DDX4: variants seen among roughly 807,000 people sequenced by gnomAD.
DDX4 encodes DEAD-box helicase 4.
In DDX4, 25 loss-of-function variants were observed where a neutral mutation model predicts 100.0. The observed-to-expected ratio is 0.25, with a 90% CI of 0.18 to 0.35. The LOEUF (loss-of-function observed/expected upper bound fraction) is 0.35, where lower values mean the gene tolerates loss of function less well. Among genes scored for constraint, DDX4 ranks in the 10% least tolerant of loss-of-function variants. The pLI is 1.00. For missense variants in DDX4, 635 were observed against 882.4 expected (o/e 0.72, Z 3.55); for synonymous variants, 259 against 275.7 (o/e 0.94, Z 0.60).
chr5:55,805,735 C>A (rs923495876), intron 18 of DDX4, among the ~76,000 whole-genome samples: 57 of 152,100 alleles, frequency 3.7e-4, no homozygotes, highest in African/African-American at 1.1e-3. Context: ...CCAGTATTTT[C>A]TTGAGGATTT....
chr5:55,790,528 C>T (rs1742501537), intron 15 of DDX4, 48 bp from the exon 16 acceptor site: 4 of 1,282,700 alleles, frequency 3.1e-6, no homozygotes, highest in Non-Finnish European at 4.5e-6. Flanking sequence ...AAACAGATGC[C>T]TAATTTTTAA....
At chr5:55,802,111 A>G (rs1333380561) in intron 18 of DDX4, among the ~76,000 whole-genome samples, 3 of 152,192 alleles carry the variant, frequency 2.0e-5, no homozygotes, top group Non-Finnish European at 4.4e-5. Flanking sequence ...TCCATTTTCA[A>G]ATACGAAATC....
intron 17 of DDX4, among the ~76,000 whole-genome samples, chr5:55,797,710 C>A (rs982351145): frequency 2.6e-5 from 4 of 152,170 alleles, no homozygotes; most frequent in African/African-American, 9.7e-5. Flanking sequence ...GCAACTTTGT[C>A]CACTCCCCTA....
At chr5:55,773,858 A>G (rs1353644501) in intron 7 of DDX4, among the ~76,000 whole-genome samples, 1 of 152,232 alleles carries the variant, frequency 6.6e-6, no homozygotes, top group Non-Finnish European at 1.5e-5. Flanking sequence ...TCCTGAGTTC[A>G]AGCAATCTGC....
chr5:55,769,622 C>T (rs868171018), intron 7 of DDX4, among the ~76,000 whole-genome samples: 1 of 152,058 alleles, frequency 6.6e-6, no homozygotes, highest in Non-Finnish European at 1.5e-5. Flanking sequence ...TTTACAGATC[C>T]AATCTACCAA....
intron 9 of DDX4, 116 bp from the exon 10 acceptor site, chr5:55,781,818 T>C: frequency 8.6e-7 from 1 of 1,156,700 alleles, no homozygotes. Flanking sequence ...GATGGATGGG[T>C]TAAAGGACCA....
At chr5:55,755,761 A>G (rs899722666) in intron 3 of DDX4, among the ~76,000 whole-genome samples, 1 of 152,080 alleles carries the variant, frequency 6.6e-6, no homozygotes, top group African/African-American at 2.4e-5. Flanking sequence ...CATAGATTCA[A>G]TATGTATTTC....
At chr5:55,806,415 T>C (rs1743724577) in intron 18 of DDX4, among the ~76,000 whole-genome samples, 2 of 152,232 alleles carry the variant, frequency 1.3e-5, no homozygotes, top group Admixed American at 1.3e-4. Context: ...AATTGTGATA[T>C]TAGGGTGTCA....
intron 7 of DDX4, among the ~76,000 whole-genome samples, chr5:55,770,436 CA>C (rs1359872111): frequency 6.6e-6 from 1 of 152,112 alleles, no homozygotes; most frequent in East Asian, 1.9e-4. Context: ...GAGATTGTAT[CA>C]AAAATTACCA....
chr5:55,746,858 T>G (rs922563385), intron 3 of DDX4, among the ~76,000 whole-genome samples: 4 of 152,208 alleles, frequency 2.6e-5, no homozygotes, highest in African/African-American at 4.8e-5. Context: ...GTGGTAGGAC[T>G]AGGCTGGGAA....
intron 4 of DDX4, among the ~76,000 whole-genome samples, chr5:55,762,034 A>C (rs894845620): frequency 6.6e-6 from 1 of 152,178 alleles, no homozygotes; most frequent in Admixed American, 6.5e-5. Flanking sequence ...AGTATGTCTG[A>C]GTAGCTTGGA....
chr5:55,779,429 T>G (rs1741772046), intron 7 of DDX4, among the ~76,000 whole-genome samples: 1 of 138,032 alleles, frequency 7.2e-6, no homozygotes. Context: ...TTAATCTGGT[T>G]CTGCCCTATG....
intron 3 of DDX4, among the ~76,000 whole-genome samples, chr5:55,746,615 A>G (rs1049894509): frequency 2.0e-5 from 3 of 152,210 alleles, no homozygotes; most frequent in African/African-American, 7.2e-5. Context: ...AATCTGTCAT[A>G]CCATCAGGAT....
intron 17 of DDX4, among the ~76,000 whole-genome samples, chr5:55,794,251 G>T (rs1025014846): frequency 6.7e-6 from 1 of 150,074 alleles, no homozygotes; most frequent in South Asian, 2.1e-4. Flanking sequence ...GCAATGGCGC[G>T]ATCTTGGCTC....
intron 7 of DDX4, among the ~76,000 whole-genome samples, chr5:55,772,192 CAG>C (rs1450602392): frequency 6.6e-6 from 1 of 152,124 alleles, no homozygotes; most frequent in African/African-American, 2.4e-5. Flanking sequence ...GCCTGGGCGA[CAG>C]AGAGAGACTC....
intron 3 of DDX4, among the ~76,000 whole-genome samples, chr5:55,748,489 C>T (rs1355386913): frequency 6.7e-6 from 1 of 149,050 alleles, no homozygotes; most frequent in East Asian, 2.1e-4. Context: ...TAACCACCAA[C>T]TAAAAGCTAA....
Position 55,816,525 on chromosome 5 carries a change from T to C in DDX4, c.2160T>C (p.Asp720=). The C allele has an allele frequency of 6.2e-7, 1 of 1,613,468 alleles. No homozygotes were observed. The highest frequency in any genetic ancestry group is 8.5e-7 in the Non-Finnish European group (1 of 1,179,728). ...SSSQAPNPVD[D]ESWD Reference sequence around the variant, plus strand: ...CACAAGCTCCCAATCCAGTAGATGATGAGTCATGGGATTAAAGCCAAAACA... The same window carrying C: ...CACAAGCTCCCAATCCAGTAGATGACGAGTCATGGGATTAAAGCCAAAACA... The change falls in exon 22 of 22, where the codon GAT becomes GAC. Residue 720 remains aspartate, a synonymous_variant. Transcript: ENST00000505374.
Position 55,815,309 on chromosome 5 carries a change from A to T in DDX4, c.1987-4A>T. 1 of 1,602,850 alleles carries T rather than the reference A, an allele frequency of 6.2e-7. No individual in the cohort carries two copies. The highest frequency in any genetic ancestry group is 8.5e-7 in the Non-Finnish European group (1 of 1,176,922). On this transcript the variant is annotated splice_region_variant and splice_polypyrimidine_tract_variant and intron_variant, in intron 20 of 21. Coordinates refer to ENST00000505374, the MANE Select transcript of DDX4 (RefSeq NM_024415.3). The stretch of plus-strand genomic sequence containing the variant: ...GTTGCATATGAAGTCAATTTTTTTT[A>T]AAGGCTCAACAGGATGTTCCTGCAT...
At chr5:55,740,608 C>T (rs1175011267) in intron 2 of DDX4, among the ~76,000 whole-genome samples, 2 of 150,654 alleles carry the variant, frequency 1.3e-5, no homozygotes, top group Admixed American at 6.6e-5. Flanking sequence ...TAGGTTCAAG[C>T]GATTTTCCTG....
Sources: gnomAD v4.1 joint callset for allele counts (sites outside exome capture counted in the v4.1 genomes callset) on GRCh38, gnomAD v4.1.1 for gene constraint, MANE v1.5 for transcripts, NCBI Gene and HGNC (gene_info 2026-07-23, HGNC 2026-07-21) for gene names.